TAS2R1: variants seen among roughly 807,000 people sequenced by gnomAD.
TAS2R1 encodes the protein taste 2 receptor member 1.
For missense variants in TAS2R1, 370 were observed against 353.4 expected (o/e 1.05, Z -0.38); for synonymous variants, 141 against 134.2 (o/e 1.05, Z -0.35).
the TAS2R1 span, among the ~76,000 whole-genome samples, chr5:9,845,419 G>A: frequency 6.6e-6 from 1 of 152,166 alleles, no homozygotes; most frequent in Non-Finnish European, 1.5e-5. Flanking sequence ...AATGATATTT[G>A]CTGGATAAAT....
At chr5:9,722,530 G>A in the TAS2R1 span, among the ~76,000 whole-genome samples, 1 of 152,174 alleles carries the variant, frequency 6.6e-6, no homozygotes, top group Non-Finnish European at 1.5e-5. Flanking sequence ...TGGAGCAGGG[G>A]TTGTTGTGGA....
the TAS2R1 span, among the ~76,000 whole-genome samples, chr5:9,829,831 T>C: frequency 0.29 from 43,230 of 151,420 alleles, 6,921 homozygotes; most frequent in Non-Finnish European, 0.37. Context: ...ACAGGCAGTG[T>C]ACCCCAAGCG....
chr5:9,726,066 T>C, the TAS2R1 span, among the ~76,000 whole-genome samples: 578 of 151,006 alleles, frequency 3.8e-3, 5 homozygotes, highest in African/African-American at 0.013. Flanking sequence ...ACACCCTGTA[T>C]CTAACTACTC....
the TAS2R1 span, among the ~76,000 whole-genome samples, chr5:9,768,256 C>G: frequency 6.6e-6 from 1 of 152,188 alleles, no homozygotes. Context: ...GGTTCACCAG[C>G]TAAAAGACAC....
the TAS2R1 span, among the ~76,000 whole-genome samples, chr5:9,839,703 T>C: frequency 6.6e-6 from 1 of 151,898 alleles, no homozygotes; most frequent in African/African-American, 2.4e-5. Flanking sequence ...TTTGCAAGGC[T>C]GAACAACAGA....
chr5:9,882,188 A>G, the TAS2R1 span, among the ~76,000 whole-genome samples: 1 of 152,242 alleles, frequency 6.6e-6, no homozygotes, highest in Non-Finnish European at 1.5e-5. Context: ...AAAGTGGCCA[A>G]AGGACATGAA....
chr5:9,776,836 C>T, the TAS2R1 span, among the ~76,000 whole-genome samples: 8 of 152,134 alleles, frequency 5.3e-5, no homozygotes, highest in Non-Finnish European at 7.3e-5. Flanking sequence ...GGTTCAGTTC[C>T]AGACCACCAC....
At position 9,630,057 on chromosome 5, in the gene TAS2R1, T is replaced by TA. The variant is rs764236616; in HGVS notation, c.-26dup. 1 of 1,509,260 alleles carries TA rather than the reference T, an allele frequency of 6.6e-7. No homozygotes were observed. The highest frequency in any genetic ancestry group is 8.8e-7 in the Non-Finnish European group (1 of 1,131,048). The allele number at this position is 1,509,260 out of a possible 1,614,324, so 93.5% of individuals were successfully genotyped here. A position where few individuals can be genotyped will look rare whatever the true frequency, so the allele number is the denominator to read the frequency against. On this transcript the variant is annotated 5_prime_UTR_variant, in exon 1 of 1. Coordinates refer to ENST00000382492, the MANE Select transcript of TAS2R1 (RefSeq NM_019599.3). The stretch of plus-strand genomic sequence containing the variant: ...TTTTAGGAATAAAAAATTATTTACT[T>TA]AAAAAATAATGAAGTTATAAAGTTT...
At chr5:9,789,106 C>T in the TAS2R1 span, among the ~76,000 whole-genome samples, 1 of 152,184 alleles carries the variant, frequency 6.6e-6, no homozygotes, top group East Asian at 1.9e-4. Flanking sequence ...CCATGCCTAC[C>T]CCCAAGTAAC....
At chr5:9,706,875 G>C (rs1192566359) in intron 1 of TAS2R1, among the ~76,000 whole-genome samples, 1 of 152,146 alleles carries the variant, frequency 6.6e-6, no homozygotes, top group Non-Finnish European at 1.5e-5. Context: ...ACAGGGCAGG[G>C]CTGGAGAAAG....
chr5:9,629,199 A>T lies in TAS2R1; in HGVS notation c.834T>A (p.Ile278=), dbSNP rs372482740. ...TTTGTTTCAATTTAGGATTTCCTAA[A>T]ATTAAGATGAGAGAGTGTCCAGAAG... ...IYPSGHSLIL[I]LGNPKLKQNA... Residue 278 remains isoleucine (I), a synonymous_variant, in exon 1 of 1, where the codon ATT becomes ATA. Coordinates refer to ENST00000382492, the MANE Select transcript of TAS2R1 (RefSeq NM_019599.3). 3 of 1,595,084 alleles carry T rather than the reference A, an allele frequency of 1.9e-6. No homozygotes were observed. Among genetic ancestry groups the T allele is most frequent in the Non-Finnish European group, 2.6e-6 (3 of 1,173,636 alleles).
At chr5:9,645,964 T>A (rs1030274782) in intron 2 of TAS2R1, among the ~76,000 whole-genome samples, 1 of 152,178 alleles carries the variant, frequency 6.6e-6, no homozygotes, top group African/African-American at 2.4e-5. Flanking sequence ...CGGTTTTTTG[T>A]CACATTGGGT....
At chr5:9,677,626 T>C (rs753873620) in intron 1 of TAS2R1, among the ~76,000 whole-genome samples, 4 of 152,214 alleles carry the variant, frequency 2.6e-5, no homozygotes, top group Non-Finnish European at 5.9e-5. Context: ...ATTATGTTAC[T>C]ACTACACACC....
At chr5:9,729,028 C>T in the TAS2R1 span, among the ~76,000 whole-genome samples, 1 of 152,218 alleles carries the variant, frequency 6.6e-6, no homozygotes, top group African/African-American at 2.4e-5. Context: ...GAAAAACCAG[C>T]ATCCAGCTGT....
the TAS2R1 span, among the ~76,000 whole-genome samples, chr5:9,779,195 C>T: frequency 9.8e-3 from 1,497 of 152,282 alleles, 26 homozygotes; most frequent in African/African-American, 0.034. Flanking sequence ...GAGTCTGGAC[C>T]TCCTTCCTCT....
chr5:9,803,847 A>G, the TAS2R1 span, among the ~76,000 whole-genome samples: 1 of 152,208 alleles, frequency 6.6e-6, no homozygotes, highest in South Asian at 2.1e-4. Context: ...AAAGGTATTT[A>G]GGCAACAAAT....
At chr5:9,821,530 T>C in the TAS2R1 span, among the ~76,000 whole-genome samples, 3 of 152,188 alleles carry the variant, frequency 2.0e-5, no homozygotes, top group Non-Finnish European at 4.4e-5. Context: ...CTGCAGAATG[T>C]ACACAAGGCT....
chr5:9,673,207 C>G (rs776605616), intron 1 of TAS2R1, among the ~76,000 whole-genome samples: 98 of 151,866 alleles, frequency 6.5e-4, no homozygotes, highest in Middle Eastern at 3.2e-3. Flanking sequence ...ATTCTTATTA[C>G]CTGGGTGATG....
chr5:9,666,165 A>C (rs1240192361), intron 1 of TAS2R1, among the ~76,000 whole-genome samples: 2 of 152,202 alleles, frequency 1.3e-5, no homozygotes, highest in African/African-American at 2.4e-5. Flanking sequence ...ATATGTTTAA[A>C]AGCTTTTGTT....
Sources: allele counts gnomAD v4.1 joint callset (sites outside exome capture counted in the v4.1 genomes callset), GRCh38; gene constraint gnomAD v4.1.1; transcripts MANE v1.5; gene names NCBI Gene and HGNC (gene_info 2026-07-23, HGNC 2026-07-21).